PCLO: variants seen among roughly 807,000 people sequenced by gnomAD.
The protein encoded by PCLO is protein piccolo.
PCLO carries 82 observed loss-of-function variants against 427.5 expected under a neutral mutation model. That is an observed-to-expected ratio of 0.19 (90% CI 0.16 to 0.23). The LOEUF is 0.23. Ranked by LOEUF, PCLO falls within the 10% of genes least tolerant of loss-of-function variation. The pLI, the probability that PCLO is intolerant of heterozygous loss-of-function variation, is 1.00. For synonymous variants in PCLO, 2,357 were observed against 2,155.4 expected (o/e 1.09, Z -2.59); for missense variants, 6,239 against 6,115.9 (o/e 1.02, Z -0.67).
chr7:83,086,836 C>A (rs12707551), intron 3 of PCLO, among the ~76,000 whole-genome samples: 13 of 151,604 alleles, frequency 8.6e-5, no homozygotes, highest in Non-Finnish European at 1.5e-4. Flanking sequence ...ACACAGGCAA[C>A]GTTAAATAAA....
chr7:83,152,056 C>A (rs1330845646), intron 2 of PCLO, among the ~76,000 whole-genome samples: 2 of 152,000 alleles, frequency 1.3e-5, no homozygotes, highest in African/African-American at 4.8e-5. Flanking sequence ...GCTCCGCCTC[C>A]CCGGTTCAGG....
intron 3 of PCLO, among the ~76,000 whole-genome samples, chr7:82,972,686 T>G (rs1291138263): frequency 6.6e-6 from 1 of 152,052 alleles, no homozygotes; most frequent in Non-Finnish European, 1.5e-5. Flanking sequence ...TGTCTCAAAA[T>G]TCTGTAAAGA....
chr7:82,908,802 C>T (rs1794252717), intron 8 of PCLO, 75 bp downstream of exon 8: 1 of 1,267,992 alleles, frequency 7.9e-7, no homozygotes, highest in African/African-American at 1.5e-5. Flanking sequence ...CCTTTTAGGA[C>T]AATTAAGACC....
intron 22 of PCLO, among the ~76,000 whole-genome samples, chr7:82,772,711 A>G (rs1790672156): frequency 6.6e-6 from 1 of 151,546 alleles, no homozygotes. Context: ...AGCAGAAGAA[A>G]AGTTTTTTCT....
chr7:82,822,794 G>C, intron 19 of PCLO, 105 bp from the exon 20 acceptor site: 1 of 908,464 alleles, frequency 1.1e-6, no homozygotes, highest in Non-Finnish European at 1.8e-6. Flanking sequence ...TGTTAATTCT[G>C]AGTCTTATAT....
At position 82,953,706 on chromosome 7, in the gene PCLO, G is replaced by C. The variant is rs2116442000; in HGVS notation, c.7247C>G (p.Pro2416Arg). 6 of 858,212 alleles carry C rather than the reference G, an allele frequency of 7.0e-6. No individual in the cohort carries two copies. Among genetic ancestry groups the C allele is most frequent in the Non-Finnish European group, 8.5e-6 (5 of 589,134 alleles). The allele number at this position is 858,212 out of a possible 1,614,324, so 53.2% of individuals were successfully genotyped here. Residue 2416 changes from proline (P) to arginine (R), a missense_variant, in exon 5 of 25, where the codon CCT becomes CGT. Physicochemically the swap from Pro to Arg is moderately radical, Grantham distance 103 (BLOSUM62 -2). This residue lies in a region of PCLO where 4,677 missense variants were observed against 4,468.4 expected (regional missense o/e 1.05). Transcript: ENST00000333891. ...PPPPPPPPPPPPPPPPPPPPP... is the reference protein window; with the variant it reads ...PPPPPPPPPPRPPPPPPPPPP... Reference sequence around the variant, plus strand: ...GGGAGGAGGGGGTGGTGGTGGAGGAGGAGGAGGAGGGGGAGGGGGAGGAGG... The same window carrying C: ...GGGAGGAGGGGGTGGTGGTGGAGGACGAGGAGGAGGGGGAGGGGGAGGAGG...
intron 3 of PCLO, among the ~76,000 whole-genome samples, chr7:83,010,374 C>T (rs1043862863): frequency 3.3e-5 from 5 of 151,682 alleles, no homozygotes; most frequent in African/African-American, 9.7e-5. Flanking sequence ...CAATCTATTC[C>T]TGTGTATCTC....
Position 83,153,512 on chromosome 7 carries a change from T to C in PCLO, c.1893+1236A>G, listed in dbSNP as rs191191317. Among the ~76,000 whole-genome samples the C allele has an allele frequency of 1.3e-3, 199 of 152,304 alleles. 2 individuals are homozygous for C. The highest frequency in any genetic ancestry group is 4.4e-3 in the African/African-American group (183 of 41,576). Reference sequence around the variant, plus strand: ...ATAGATTTCATTTATAACAAAAGTATACAAGCTTCACGTCTCAGGGATATT... The same window carrying C: ...ATAGATTTCATTTATAACAAAAGTACACAAGCTTCACGTCTCAGGGATATT... On this transcript the variant is annotated intron_variant, in intron 2 of 24. Coordinates refer to ENST00000333891, the MANE Select transcript of PCLO (RefSeq NM_033026.6).
chr7:82,874,601 A>T (rs1387900926), intron 10 of PCLO, among the ~76,000 whole-genome samples: 1 of 152,184 alleles, frequency 6.6e-6, no homozygotes, highest in East Asian at 1.9e-4. Flanking sequence ...TAAAATTGTA[A>T]TCAGTAGGTT....
chr7:83,144,776 T>A (rs2116649353), intron 2 of PCLO, among the ~76,000 whole-genome samples: 1 of 137,820 alleles, frequency 7.3e-6, no homozygotes, highest in Non-Finnish European at 1.6e-5. Context: ...TAAATAAATT[T>A]AAAAAGATCT....
intron 1 of PCLO, among the ~76,000 whole-genome samples, chr7:83,158,383 A>C (rs1292711133): frequency 6.6e-6 from 1 of 151,944 alleles, no homozygotes; most frequent in African/African-American, 2.4e-5. Flanking sequence ...TATTTACTTA[A>C]TATATTGTAC....
chr7:82,957,018 T>G, intron 4 of PCLO, 83 bp from the exon 5 acceptor site: 1 of 1,347,474 alleles, frequency 7.4e-7, no homozygotes, highest in Non-Finnish European at 9.6e-7. Context: ...AAATAACTAT[T>G]AGGAACTGAA....
At position 83,155,690 on chromosome 7, in the gene PCLO, C is replaced by T. The variant is rs1792273317; in HGVS notation, c.951G>A (p.Gln317=). Residue 317 remains glutamine (Q), a synonymous_variant, in exon 2 of 25, where the codon CAG becomes CAA. Transcript: ENST00000333891. ...GCTGTGATTTTTCATGTCCAGGCTG[C>T]TGTGCTGGAGGTTTTCCAGGAGTTG... ...QQPTPGKPPA[Q]QPGHEKSQPG... The T allele has an allele frequency of 6.2e-7, 1 of 1,613,972 alleles. No homozygotes were observed. The highest frequency in any genetic ancestry group is 1.1e-5 in the South Asian group (1 of 91,086).
chr7:82,980,626 G>C (rs1796125401), intron 3 of PCLO, among the ~76,000 whole-genome samples: 1 of 152,088 alleles, frequency 6.6e-6, no homozygotes. Context: ...TTTCCATTTA[G>C]CATGGAACTT....
intron 22 of PCLO, among the ~76,000 whole-genome samples, chr7:82,788,021 A>G (rs945650301): frequency 1.3e-5 from 2 of 151,892 alleles, no homozygotes; most frequent in Non-Finnish European, 2.9e-5. Flanking sequence ...ACCAACTAAA[A>G]TAGAAGTCAA....
At position 82,916,234 on chromosome 7, in the gene PCLO, G is replaced by A; in HGVS notation, c.11752C>T (p.Gln3918Ter). Residue 3918 changes from glutamine (Q) to a stop codon, truncating the protein, a stop_gained, in exon 7 of 25, where the codon CAA (glutamine) becomes TAA (stop). Transcript: ENST00000333891. LOFTEE classifies it high-confidence loss of function. ...GGCTGAGTCTGATAAGGTGAAACTT[G>A]CTGATGGTACAAAGTTTGTTGCTCA... is the stretch of plus-strand genomic sequence containing the variant. ...HFEQQTLYHQ[Q>*]VSPYQTQPTF... 1 of 1,613,714 alleles carries A rather than the reference G, an allele frequency of 6.2e-7. No homozygotes were observed. Among genetic ancestry groups the A allele is most frequent in the Non-Finnish European group, 8.5e-7 (1 of 1,179,732 alleles).
rs1459933397 is a variant in PCLO at position 82,827,929 on chromosome 7, T to A, written c.14287A>T (p.Ser4763Cys). ...YKRRTKHVQK[S>C]LNPEWNQTVI... is the part of the protein sequence containing the mutation. ...GTTTGATTCCACTCAGGATTAAGAC[T>A]TTTCTGGACATGTTTAGTCCTTCTC... Residue 4763 changes from serine to cysteine, a missense_variant, in exon 17 of 25, where the codon AGT (serine) becomes TGT (cysteine). Ser to Cys is a moderately radical substitution (Grantham distance 112). This residue lies in a region of PCLO where 877 missense variants were observed against 925.5 expected (regional missense o/e 0.95). Coordinates refer to ENST00000333891, the MANE Select transcript of PCLO (RefSeq NM_033026.6). 6.2e-7 allele frequency: 1 copy of A among 1,604,758 alleles called. No homozygotes were observed. Among genetic ancestry groups the A allele is most frequent in the Non-Finnish European group, 8.5e-7 (1 of 1,172,584 alleles).
At chr7:82,831,650 A>G (rs747921900) in intron 16 of PCLO, among the ~76,000 whole-genome samples, 1 of 152,142 alleles carries the variant, frequency 6.6e-6, no homozygotes, top group African/African-American at 2.4e-5. Context: ...AAAAGTTAAA[A>G]TGTTCATTTT....
rs1416138990 is a variant in PCLO, at chr7:82,863,123, T to C, written c.13655-15876A>G. 2.0e-5 allele frequency among the ~76,000 whole-genome samples: 3 copies of C among 152,182 alleles called. No individual in the cohort carries two copies. The East Asian group carries it at 5.8e-4, about 29-fold the overall frequency. ...ACATCTCATGTACCTCATAAATATATATACCTACTATTTATCCAAAAAATT... is the reference window on the plus strand; with the variant it reads ...ACATCTCATGTACCTCATAAATATACATACCTACTATTTATCCAAAAAATT... On this transcript the variant is annotated intron_variant, in intron 10 of 24. Transcript: ENST00000333891.
Sources: gnomAD v4.1 joint callset for allele counts (sites outside exome capture counted in the v4.1 genomes callset) on GRCh38, gnomAD v4.1.1 for gene constraint, gnomAD v4.1.1 regional missense constraint, MANE v1.5 for transcripts, NCBI Gene and HGNC (gene_info 2026-07-23, HGNC 2026-07-21) for gene names.